Variants in CDK10 observed in about 807,000 individuals in gnomAD.
CDK10 encodes the protein cyclin dependent kinase 10, also known as cyclin-dependent kinase 10.
CDK10 carries 55 observed loss-of-function variants against 51.0 expected under a neutral mutation model. The observed-to-expected ratio is 1.08, with a 90% CI of 0.87 to 1.35. The LOEUF is 1.35. Among genes scored for constraint, CDK10 ranks in the 40% most tolerant of loss-of-function variants. The pLI is 0.00. For missense variants in CDK10, 589 were observed against 485.1 expected, an observed-to-expected ratio of 1.21 and a Z score of -2.01; for synonymous variants, 255 against 199.1, an observed-to-expected ratio of 1.28 and a Z score of -2.36.
At chr16:89,690,889 AC>A (rs1052668356) in intron 3 of CDK10, among the ~76,000 whole-genome samples, 93 of 150,704 alleles carry the variant, frequency 6.2e-4, no homozygotes, top group African/African-American at 2.2e-3. Context: ...TGTCCCCTCC[AC>A]CCCCAGCACC....
intron 5 of CDK10, 46 bp downstream of exon 5, chr16:89,691,933 C>A (rs781074620): frequency 4.7e-6 from 7 of 1,503,186 alleles, no homozygotes; most frequent in Admixed American, 1.8e-5. Flanking sequence ...CTTCATGGGC[C>A]CTTGTGGTGC....
Position 89,692,496 on chromosome 16 carries a change from C to T in CDK10, c.465C>T (p.His155=). The change falls in exon 6 of 13, where the codon CAC becomes CAT. Residue 155 remains histidine, a synonymous_variant. Coordinates refer to ENST00000353379, the MANE Select transcript of CDK10 (RefSeq NM_052988.5). ...TGCTCCGGGGCCTCCAGTATCTGCA[C>T]AGGAACTTCATTATCCACAGGTGGG... ...LQVLRGLQYL[H]RNFIIHRDLK... 1.9e-6 allele frequency: 3 copies of T among 1,595,336 alleles called. No individual in the cohort carries two copies. The highest frequency in any genetic ancestry group is 2.6e-6 in the Non-Finnish European group (3 of 1,170,766).
chr16:89,692,593 A>G, intron 6 of CDK10, 77 bp downstream of exon 6: 1 of 1,117,076 alleles, frequency 9.0e-7, no homozygotes, highest in Non-Finnish European at 1.3e-6. Flanking sequence ...GAGTTACTAA[A>G]AGCTCAGGGG....
rs992991823 is a variant in CDK10, at chr16:89,693,957, C to G, written c.609-216C>G. On this transcript the variant is annotated intron_variant, in intron 8 of 12. Coordinates refer to ENST00000353379, the MANE Select transcript of CDK10 (RefSeq NM_052988.5). ...GGCTGTGTGCCGAGGGTCCGTGGTC[C>G]CTGCGACTCTCAGGACACCGCTGCA... is the stretch of plus-strand genomic sequence containing the variant. 11 of 611,584 alleles carry G rather than the reference C, an allele frequency of 1.8e-5. No individual in the cohort carries two copies. In the African/African-American group the frequency reaches 2.0e-4, roughly 11 times the overall value. The allele number at this position is 611,584 out of a possible 1,614,324, so 37.9% of individuals were successfully genotyped here.
chr16:89,687,105 C>T (rs1032622487), intron 1 of CDK10: 1 of 259,152 alleles, frequency 3.9e-6, no homozygotes, highest in Non-Finnish European at 7.2e-6. Flanking sequence ...GGTTCAGCGC[C>T]CGAGCTGGGC....
intron 3 of CDK10, 42 bp from the exon 4 acceptor site, chr16:89,691,401 C>T: frequency 1.3e-6 from 2 of 1,484,964 alleles, no homozygotes; most frequent in Non-Finnish European, 1.8e-6. Context: ...GCTTCCCCGC[C>T]ATCACTGGGG....
chr16:89,687,803 ACAAG>A, intron 1 of CDK10: 1 of 352,334 alleles, frequency 2.8e-6, no homozygotes, highest in Non-Finnish European at 5.7e-6. Context: ...CGAGAAGAGC[ACAAG>A]CAGAGGATGT....
intron 6 of CDK10, 79 bp from the exon 7 acceptor site, chr16:89,693,195 T>C: frequency 8.2e-7 from 1 of 1,225,888 alleles, no homozygotes; most frequent in East Asian, 2.3e-5. Flanking sequence ...GCAGGAAGTC[T>C]ACGGGCATTG....
At position 89,693,903 on chromosome 16, in the gene CDK10, T is replaced by A. The variant is rs1333762085; in HGVS notation, c.609-270T>A. 4 of 586,482 alleles carry A rather than the reference T, an allele frequency of 6.8e-6. No homozygotes were observed. The African/African-American group carries it at 7.5e-5, about 11-fold the overall frequency. 36.3% of individuals were successfully genotyped at this position (586,482 alleles called of 1,614,324 possible). On this transcript the variant is annotated intron_variant, in intron 8 of 12. Coordinates refer to ENST00000353379, the MANE Select transcript of CDK10 (RefSeq NM_052988.5). ...GGACCCCAGTGTCGTGTACTCCCCA[T>A]CTGAGAACGGGTTGGTAGTGGCTGG...
chr16:89,689,194 T>C, intron 1 of CDK10, 58 bp from the exon 2 acceptor site: 2 of 1,496,800 alleles, frequency 1.3e-6, no homozygotes, highest in Non-Finnish European at 1.9e-6. Context: ...ATTTGAAATT[T>C]CCTCAGTTGT....
At chr16:89,687,673 C>A (rs1422572732) in intron 1 of CDK10, 1 of 439,254 alleles carries the variant, frequency 2.3e-6, no homozygotes, top group Non-Finnish European at 4.7e-6. Context: ...AAGTGATCTT[C>A]CTGCCTCGGC....
Position 89,695,892 on chromosome 16 carries a change from G to A in CDK10, c.*200G>A. On this transcript the variant is annotated 3_prime_UTR_variant, in exon 13 of 13. Transcript: ENST00000353379. ...AGAAAAAGGCCGGGTGACACCGGGG[G>A]GCTCCCAGCCCGTGCACCCTGGAAG... 1 of 1,253,120 alleles carries A rather than the reference G, an allele frequency of 8.0e-7. No homozygotes were observed. The highest frequency in any genetic ancestry group is 1.3e-5 in the South Asian group (1 of 76,210). 77.6% of individuals were successfully genotyped at this position (1,253,120 alleles called of 1,614,324 possible).
intron 6 of CDK10, 141 bp downstream of exon 6, chr16:89,692,657 A>G (rs1394792076): frequency 9.4e-6 from 5 of 530,502 alleles, no homozygotes; most frequent in Admixed American, 4.1e-5. Flanking sequence ...GTTTTTTTCT[A>G]AAATAGAGAA....
intron 4 of CDK10, 119 bp from the exon 5 acceptor site, chr16:89,691,687 C>T: frequency 8.0e-7 from 1 of 1,254,406 alleles, no homozygotes; most frequent in South Asian, 1.2e-5. Flanking sequence ...CTGGCTCAGC[C>T]CATTGTCTGA....
chr16:89,694,725 C>T lies in CDK10; in HGVS notation c.729C>T (p.Ser243=), dbSNP rs770575418. 14 of 1,581,730 alleles carry T rather than the reference C, an allele frequency of 8.9e-6. No individual in the cohort carries two copies. Among genetic ancestry groups the T allele is most frequent in the African/African-American group, 1.3e-5 (1 of 74,342 alleles). ...LAHRPLLPGT[S]EIHQIDLIVQ... The stretch of plus-strand genomic sequence containing the variant: ...ACAGGCCTCTTCTCCCCGGCACTTC[C>T]GAGATCCACCAGATCGACTTGATCG... The change falls in exon 10 of 13, where the codon TCC becomes TCT. Residue 243 remains serine (S), a synonymous_variant. Transcript: ENST00000353379.
intron 4 of CDK10, 102 bp from the exon 5 acceptor site, chr16:89,691,704 C>A: frequency 7.6e-7 from 1 of 1,309,726 alleles, no homozygotes; most frequent in Non-Finnish European, 1.1e-6. Flanking sequence ...CTGAGGGGGA[C>A]ACAGGTTGTC....
rs191532111 is a variant in CDK10, at chr16:89,691,376, G to A, written c.233-67G>A. On this transcript the variant is annotated intron_variant, in intron 3 of 12. Coordinates refer to ENST00000353379, the MANE Select transcript of CDK10 (RefSeq NM_052988.5). ...TATCAGGTGTTCGTGAAGCCCAAGAGTGGCTGGGGTTGGGGCTTCCCCGCC... is the reference window on the plus strand; with the variant it reads ...TATCAGGTGTTCGTGAAGCCCAAGAATGGCTGGGGTTGGGGCTTCCCCGCC... 315 of 1,201,292 alleles carry A rather than the reference G, an allele frequency of 2.6e-4. 1 individual carries two copies. The African/African-American group carries it at 3.9e-3, about 15-fold the overall frequency. The allele number at this position is 1,201,292 out of a possible 1,614,324, so 74.4% of individuals were successfully genotyped here.
intron 8 of CDK10, chr16:89,693,699 C>T (rs2060561641): frequency 3.4e-6 from 2 of 587,980 alleles, no homozygotes; most frequent in Non-Finnish European, 6.1e-6. Flanking sequence ...TCAGACACAC[C>T]TCGCCTTGAG....
At chr16:89,690,148 A>G in intron 2 of CDK10, 1 of 206,612 alleles carries the variant, frequency 4.8e-6, no homozygotes, top group Non-Finnish European at 9.9e-6. Flanking sequence ...TGCACACATT[A>G]GCAGGATGTT....
Sources: gnomAD v4.1 joint callset for allele counts (sites outside exome capture counted in the v4.1 genomes callset) on GRCh38, gnomAD v4.1.1 for gene constraint, MANE v1.5 for transcripts, NCBI Gene and HGNC (gene_info 2026-07-23, HGNC 2026-07-21) for gene names.